Variants in DAB1 observed in about 807,000 individuals in gnomAD.
DAB1 encodes DAB adaptor protein 1.
A neutral mutation model predicts 64.6 loss-of-function variants in DAB1; 15 were observed. The ratio of observed to expected loss-of-function variants is 0.23; its 90% confidence interval spans 0.16 to 0.36. DAB1 has a LOEUF of 0.36. DAB1 is among the 10% of genes least tolerant of loss of function. The probability of loss-of-function intolerance (pLI) is 1.00; values close to 1 mark genes in which losing one functional copy is unlikely to be tolerated. For synonymous variants in DAB1, 235 were observed against 251.9 expected (o/e 0.93, Z 0.64); for missense variants, 596 against 706.7 (o/e 0.84, Z 1.78).
intron 5 of DAB1, among the ~76,000 whole-genome samples, chr1:58,027,571 T>C (rs1646912502): frequency 6.6e-6 from 1 of 152,092 alleles, no homozygotes; most frequent in African/African-American, 2.4e-5. Context: ...TTCTCAAAAG[T>C]TTGGGGCTCT....
chr1:58,362,920 C>T (rs12132908), intron 3 of DAB1, among the ~76,000 whole-genome samples: 14,154 of 152,210 alleles, frequency 0.093, 663 homozygotes, highest in Middle Eastern at 0.13. Context: ...AATTTATTTT[C>T]TTACATTTCC....
At chr1:58,165,484 G>C (rs894264223) in intron 4 of DAB1, among the ~76,000 whole-genome samples, 1 of 152,160 alleles carries the variant, frequency 6.6e-6, no homozygotes, top group African/African-American at 2.4e-5. Context: ...TGACAGGAAT[G>C]CCTTAGAAGC....
At chr1:57,852,597 A>G (rs1261662121) in intron 1 of DAB1, among the ~76,000 whole-genome samples, 1 of 151,870 alleles carries the variant, frequency 6.6e-6, no homozygotes, top group Non-Finnish European at 1.5e-5. Context: ...CACCACTGCC[A>G]TCTTGCTTGA....
chr1:58,434,430 G>T (rs1289019521), intron 3 of DAB1, among the ~76,000 whole-genome samples: 1 of 149,324 alleles, frequency 6.7e-6, no homozygotes, highest in African/African-American at 2.5e-5. Context: ...AAAAAAGGAT[G>T]ATTTCATGTC....
At chr1:57,901,713 C>T (rs547939635) in intron 5 of DAB1, among the ~76,000 whole-genome samples, 88 of 152,156 alleles carry the variant, frequency 5.8e-4, no homozygotes, top group South Asian at 1.2e-3. Context: ...GTCTGTCAGG[C>T]GCTGAATTCA....
At chr1:57,518,067 C>G (rs143807797) in intron 7 of DAB1, among the ~76,000 whole-genome samples, 72 of 152,294 alleles carry the variant, frequency 4.7e-4, no homozygotes, top group African/African-American at 1.7e-3. Context: ...AATTTGACTC[C>G]TTTATATCTT....
chr1:57,963,853 C>T (rs537397711), intron 5 of DAB1, among the ~76,000 whole-genome samples: 3 of 152,264 alleles, frequency 2.0e-5, no homozygotes, highest in South Asian at 2.1e-4. Flanking sequence ...TTCTGTGCAC[C>T]GTGTCATTAT....
Position 57,087,377 on chromosome 1 carries a change from G to A in DAB1, c.307-14963C>T, listed in dbSNP as rs1653192731. 3.3e-5 allele frequency among the ~76,000 whole-genome samples: 5 copies of A among 152,346 alleles called. 1 individual carries two copies. In the South Asian group the frequency reaches 1.0e-3, roughly 32 times the overall value. On this transcript the variant is annotated intron_variant, in intron 4 of 14. Coordinates refer to ENST00000371236, the MANE Select transcript of DAB1 (RefSeq NM_001365792.1). ...GGGCAGGATGCCGGGAAGAGAAAAC[G>A]TTCGGGCTAATTCACAAGAAATAAG...
intron 2 of DAB1, among the ~76,000 whole-genome samples, chr1:57,251,567 A>G (rs1298159323): frequency 6.6e-6 from 1 of 152,104 alleles, no homozygotes; most frequent in African/African-American, 2.4e-5. Flanking sequence ...GCTTAAACAT[A>G]CTCTTGAAGA....
chr1:58,312,802 G>A (rs1662459531), intron 4 of DAB1, among the ~76,000 whole-genome samples: 2 of 152,080 alleles, frequency 1.3e-5, no homozygotes, highest in African/African-American at 4.8e-5. Flanking sequence ...GTGAACTCAG[G>A]CAAGTTACTT....
intron 3 of DAB1, among the ~76,000 whole-genome samples, chr1:58,478,105 G>GT (rs1445107149): frequency 2.0e-5 from 3 of 152,130 alleles, no homozygotes; most frequent in African/African-American, 7.2e-5. Context: ...GACAAGAAAG[G>GT]TAAGTGATTG....
chr1:57,123,802 C>T (rs1011418882), intron 4 of DAB1, among the ~76,000 whole-genome samples: 2 of 151,908 alleles, frequency 1.3e-5, no homozygotes, highest in Admixed American at 6.6e-5. Flanking sequence ...TACAAAGCAG[C>T]GTGTATAGTT....
At chr1:58,197,287 T>C (rs936853417) in intron 4 of DAB1, among the ~76,000 whole-genome samples, 1 of 152,162 alleles carries the variant, frequency 6.6e-6, no homozygotes, top group Non-Finnish European at 1.5e-5. Context: ...GAATAGAAGA[T>C]GGATATAGCA....
At chr1:57,550,799 T>C (rs976418781) in intron 7 of DAB1, among the ~76,000 whole-genome samples, 1 of 152,234 alleles carries the variant, frequency 6.6e-6, no homozygotes, top group Non-Finnish European at 1.5e-5. Flanking sequence ...TAAAAGCACA[T>C]AGTTTAGTAT....
chr1:57,816,673 A>T (rs1557496836), intron 6 of DAB1, among the ~76,000 whole-genome samples: 1 of 152,316 alleles, frequency 6.6e-6, no homozygotes, highest in East Asian at 1.9e-4. Flanking sequence ...GAAATCTGTG[A>T]GTTGCCGTCA....
chr1:58,210,804 A>T (rs944145758), intron 4 of DAB1, among the ~76,000 whole-genome samples: 1 of 152,190 alleles, frequency 6.6e-6, no homozygotes, highest in Admixed American at 6.5e-5. Flanking sequence ...CAAGGTAGAA[A>T]ATGACTCATG....
intron 9 of DAB1, chr1:57,033,589 A>T: frequency 6.2e-7 from 1 of 1,608,920 alleles, no homozygotes; most frequent in Non-Finnish European, 8.5e-7. Context: ...AGTGGAAGGG[A>T]TGATGAATGA....
At chr1:57,908,401 T>C (rs1644590104) in intron 5 of DAB1, among the ~76,000 whole-genome samples, 1 of 152,100 alleles carries the variant, frequency 6.6e-6, no homozygotes. Flanking sequence ...CCAATATAGA[T>C]TTATTGCTTA....
At chr1:57,742,329 A>C (rs1648041469) in intron 6 of DAB1, among the ~76,000 whole-genome samples, 1 of 152,214 alleles carries the variant, frequency 6.6e-6, no homozygotes, top group Admixed American at 6.5e-5. Flanking sequence ...GGTGTTTCAA[A>C]AACAATGTTA....
Sources: gnomAD v4.1 joint callset for allele counts (sites outside exome capture counted in the v4.1 genomes callset) on GRCh38, gnomAD v4.1.1 for gene constraint, MANE v1.5 for transcripts, NCBI Gene and HGNC (gene_info 2026-07-23, HGNC 2026-07-21) for gene names.